CFAP47: variants seen among roughly 807,000 people sequenced by gnomAD.
CFAP47 encodes the protein cilia- and flagella-associated protein 47.
Under a neutral mutation model 148.1 loss-of-function variants are expected in CFAP47, and 29 were observed. The observed-to-expected ratio is 0.20, with a 90% CI of 0.15 to 0.27. The LOEUF (loss-of-function observed/expected upper bound fraction) is 0.27. Among genes scored for constraint, CFAP47 ranks in the 10% least tolerant of loss-of-function variants. The pLI is 1.00. For synonymous variants in CFAP47, 664 were observed against 577.3 expected (o/e 1.15, Z -2.15); for missense variants, 1,872 against 1,697.5 (o/e 1.10, Z -1.81).
chrX:36,337,088 G>C (rs782252342), intron 57 of CFAP47, among the ~76,000 whole-genome samples: 3 of 112,123 alleles, frequency 2.7e-5, no homozygotes, highest in Non-Finnish European at 5.6e-5. Flanking sequence ...GTGAGTTTCC[G>C]AGCTAGTCAG....
chrX:36,085,401 C>A lies in CFAP47; in HGVS notation c.4779C>A (p.Thr1593=). 8.3e-7 allele frequency: 1 copy of A among 1,205,262 alleles called. No individual in the cohort carries two copies. The highest frequency in any genetic ancestry group is 1.1e-6 in the Non-Finnish European group (1 of 890,710). ...ATGACTTTTCCAAATATAATAAGAC[C>A]ATTTATGATGTGCTGCTCCATTTGA... ...RQNDFSKYNK[T]IYDVLLHLSG... Residue 1593 remains threonine, a synonymous_variant, in exon 30 of 64, where the codon ACC becomes ACA. Transcript: ENST00000378653.
intron 45 of CFAP47, among the ~76,000 whole-genome samples, chrX:36,226,762 CA>C (rs1203631236): frequency 9.1e-6 from 1 of 110,494 alleles, no homozygotes; most frequent in Non-Finnish European, 1.9e-5. Flanking sequence ...AGGAAATGAA[CA>C]TTTTTTTTGG....
intron 33 of CFAP47, among the ~76,000 whole-genome samples, chrX:36,130,178 A>G (rs1331966479): frequency 9.0e-6 from 1 of 111,385 alleles, no homozygotes; most frequent in Non-Finnish European, 1.9e-5. Context: ...TTCATCTGAT[A>G]AGGGATTAAT....
At chrX:35,946,955 A>T (rs1206782233) in intron 3 of CFAP47, among the ~76,000 whole-genome samples, 1 of 111,852 alleles carries the variant, frequency 8.9e-6, no homozygotes, top group African/African-American at 3.2e-5. Flanking sequence ...ACATTACCAT[A>T]AATTATGAAC....
intron 32 of CFAP47, among the ~76,000 whole-genome samples, chrX:36,102,896 A>G (rs1390781638): frequency 8.9e-6 from 1 of 112,013 alleles, no homozygotes; most frequent in Non-Finnish European, 1.9e-5. Flanking sequence ...AAATGCTAAA[A>G]TGGTGCAATT....
At position 36,045,348 on chromosome X, in the gene CFAP47, A is replaced by G. The variant is rs779227785; in HGVS notation, c.4008-1506A>G. ...TGTGCTGGTACCTCAGGTGCAAGACAAAGTCTCCTTTACTTTTTCTTCTGC... is the reference window on the plus strand; with the variant it reads ...TGTGCTGGTACCTCAGGTGCAAGACGAAGTCTCCTTTACTTTTTCTTCTGC... On this transcript the variant is annotated intron_variant, in intron 25 of 63. Coordinates refer to ENST00000378653, the MANE Select transcript of CFAP47 (RefSeq NM_001304548.2). Among the ~76,000 whole-genome samples, 5 of 111,521 alleles carry G rather than the reference A, an allele frequency of 4.5e-5. No individual in the cohort carries two copies. The Admixed American group carries it at 4.8e-4, about 11-fold the overall frequency.
intron 57 of CFAP47, among the ~76,000 whole-genome samples, chrX:36,319,895 G>A (rs782410027): frequency 9.0e-6 from 1 of 110,947 alleles, no homozygotes; most frequent in Non-Finnish European, 1.9e-5. Flanking sequence ...GCACAATCTC[G>A]GCTCACTGCA....
intron 26 of CFAP47, among the ~76,000 whole-genome samples, chrX:36,062,355 T>C (rs1937601469): frequency 8.9e-6 from 1 of 111,799 alleles, no homozygotes; most frequent in African/African-American, 3.2e-5. Flanking sequence ...CCAGTTATCA[T>C]GGAAATTTAA....
At chrX:36,278,139 G>A (rs1399706698) in intron 49 of CFAP47, among the ~76,000 whole-genome samples, 3 of 112,532 alleles carry the variant, frequency 2.7e-5, no homozygotes, top group Non-Finnish European at 3.8e-5. Context: ...AGACAGGGAC[G>A]TGTAAGTCTG....
Position 36,088,048 on chromosome X carries a change from T to C in CFAP47, c.4916+2510T>C, listed in dbSNP as rs1938119285. Among the ~76,000 whole-genome samples the C allele has an allele frequency of 4.5e-5, 5 of 111,434 alleles. No homozygotes were observed. The Admixed American group carries it at 4.8e-4, about 11-fold the overall frequency. ...TGATGTCTTTCTGTGTATTCAAATT[T>C]CATCTTCTTATAAAGACACAAGCCA... On this transcript the variant is annotated intron_variant, in intron 30 of 63. Transcript: ENST00000378653.
chrX:36,169,856 G>A (rs1569278692), intron 39 of CFAP47, among the ~76,000 whole-genome samples: 1 of 111,418 alleles, frequency 9.0e-6, no homozygotes, highest in Non-Finnish European at 1.9e-5. Flanking sequence ...CAAACATCCT[G>A]GTGTGGTAGG....
chrX:36,012,771 A>G lies in CFAP47; in HGVS notation c.3418-2003A>G, dbSNP rs1937053879. On this transcript the variant is annotated intron_variant, in intron 21 of 63. Transcript: ENST00000378653. ...AGGTGCAGCAAACCACCATGGCACA[A>G]GTATACCTACGTAACAAATCTGCAC... Among the ~76,000 whole-genome samples, 3 of 111,337 alleles carry G rather than the reference A, an allele frequency of 2.7e-5. No homozygotes were observed. The Admixed American group carries it at 2.9e-4, about 11-fold the overall frequency.
chrX:36,080,173 T>A lies in CFAP47; in HGVS notation c.4692-5141T>A, dbSNP rs183949389. Among the ~76,000 whole-genome samples, 486 of 111,674 alleles carry A rather than the reference T, an allele frequency of 4.4e-3. 5 individuals are homozygous for A. The highest frequency in any genetic ancestry group is 0.015 in the African/African-American group (472 of 30,708). ...GACATTTATGCAGCCAACAAACACA[T>A]GAAAAAATGCTCATCATCACTGGTC... On this transcript the variant is annotated intron_variant, in intron 29 of 63. Transcript: ENST00000378653.
rs1601971814 is a variant in CFAP47 at position 36,090,086 on chromosome X, G to A, written c.4916+4548G>A. Among the ~76,000 whole-genome samples the A allele has an allele frequency of 2.7e-5, 3 of 111,806 alleles. No individual in the cohort carries two copies. In the South Asian group the frequency reaches 1.1e-3, roughly 41 times the overall value. Reference sequence around the variant, plus strand: ...ATAAATGTCTTGTTGACATAAAAATGTCAGAAAGCCAGTATTTATCAATTA... The same window carrying A: ...ATAAATGTCTTGTTGACATAAAAATATCAGAAAGCCAGTATTTATCAATTA... On this transcript the variant is annotated intron_variant, in intron 30 of 63. Transcript: ENST00000378653.
chrX:36,259,494 A>G (rs782470767), intron 49 of CFAP47, among the ~76,000 whole-genome samples: 2 of 111,277 alleles, frequency 1.8e-5, no homozygotes, highest in Admixed American at 9.6e-5. Context: ...ATTAACAGCA[A>G]CTACATATAC....
At chrX:36,168,644 C>T (rs1205449625) in intron 39 of CFAP47, among the ~76,000 whole-genome samples, 1 of 111,476 alleles carries the variant, frequency 9.0e-6, no homozygotes, top group East Asian at 2.8e-4. Context: ...CCAGGCAGGT[C>T]TCGAACTCCT....
intron 25 of CFAP47, among the ~76,000 whole-genome samples, chrX:36,046,507 A>C (rs1199081448): frequency 9.0e-6 from 1 of 111,180 alleles, no homozygotes; most frequent in Non-Finnish European, 1.9e-5. Flanking sequence ...GTACCTATTA[A>C]AGTGATAACT....
chrX:35,936,146 A>ATATTGGATCATTTGT (rs1935907735), intron 2 of CFAP47, among the ~76,000 whole-genome samples: 1 of 111,333 alleles, frequency 9.0e-6, no homozygotes, highest in Non-Finnish European at 1.9e-5. Flanking sequence ...AATGATGCAA[A>ATATTGGATCATTTGT]TATTGGATCA....
At chrX:35,934,058 A>C (rs1159181291) in intron 2 of CFAP47, among the ~76,000 whole-genome samples, 2 of 111,160 alleles carry the variant, frequency 1.8e-5, no homozygotes, top group Admixed American at 9.6e-5. Context: ...TTTGCTGTGC[A>C]CAAGCTTTTT....
Sources: allele counts gnomAD v4.1 joint callset (sites outside exome capture counted in the v4.1 genomes callset), GRCh38; gene constraint gnomAD v4.1.1; transcripts MANE v1.5; gene names NCBI Gene and HGNC (gene_info 2026-07-23, HGNC 2026-07-21).